The following LRCH2 variants were observed in gnomAD, a reference collection of about 807,000 sequenced individuals.
The protein encoded by LRCH2 is leucine rich repeats and calponin homology domain containing 2, also known as leucine-rich repeat and calponin homology domain-containing protein 2.
A neutral mutation model predicts 68.9 loss-of-function variants in LRCH2; 38 were observed. That is an observed-to-expected ratio of 0.55 (90% CI 0.43 to 0.72). The LOEUF is 0.72. Among genes scored for constraint, LRCH2 ranks in the 30% least tolerant of loss-of-function variants. LRCH2 has a pLI of 0.00. For missense variants in LRCH2, 528 were observed against 572.9 expected, an observed-to-expected ratio of 0.92 and a Z score of 0.80; for synonymous variants, 191 against 208.1, an observed-to-expected ratio of 0.92 and a Z score of 0.71.
intron 5 of LRCH2, among the ~76,000 whole-genome samples, chrX:115,171,740 G>A (rs1556547608): frequency 1.9e-5 from 2 of 107,940 alleles, no homozygotes; most frequent in East Asian, 5.8e-4. Flanking sequence ...AGGCTGGAGT[G>A]CAGTGGCACA....
At chrX:115,197,312 C>T (rs1327973379) in intron 1 of LRCH2, among the ~76,000 whole-genome samples, 3 of 110,862 alleles carry the variant, frequency 2.7e-5, no homozygotes, top group African/African-American at 6.6e-5. Context: ...AAAAAAAAAT[C>T]CTCAAAATCC....
intron 20 of LRCH2, among the ~76,000 whole-genome samples, chrX:115,114,398 T>C (rs1331460666): frequency 9.0e-6 from 1 of 110,604 alleles, no homozygotes; most frequent in Non-Finnish European, 1.9e-5. Context: ...AAGGAAGGCT[T>C]CAAATCAATG....
intron 1 of LRCH2, among the ~76,000 whole-genome samples, chrX:115,232,512 T>C: frequency 9.0e-6 from 1 of 111,543 alleles, no homozygotes; most frequent in Middle Eastern, 4.6e-3. Context: ...AATCACTGGG[T>C]GGAAAGCTTC....
chrX:115,138,267 G>A (rs945520019), intron 14 of LRCH2, among the ~76,000 whole-genome samples: 7 of 111,463 alleles, frequency 6.3e-5, no homozygotes, highest in African/African-American at 2.3e-4. Flanking sequence ...CGAAGGAGAA[G>A]GAATGTCATA....
At chrX:115,147,214 T>C (rs1432242657) in intron 14 of LRCH2, among the ~76,000 whole-genome samples, 6 of 111,854 alleles carry the variant, frequency 5.4e-5, no homozygotes, top group Non-Finnish European at 9.4e-5. Context: ...AACCTACCAA[T>C]AGCACTTTCA....
At chrX:115,121,826 TAA>T (rs1556526151) in intron 20 of LRCH2, among the ~76,000 whole-genome samples, 1 of 111,924 alleles carries the variant, frequency 8.9e-6, no homozygotes, top group East Asian at 2.8e-4. Flanking sequence ...ACCAGATTAT[TAA>T]GACACTGTTC....
chrX:115,144,553 C>A (rs2072365678), intron 14 of LRCH2, among the ~76,000 whole-genome samples: 1 of 86,205 alleles, frequency 1.2e-5, no homozygotes, highest in African/African-American at 6.4e-5. Context: ...TTTGGAAAAA[C>A]CTAGACTCCA....
At chrX:115,181,926 C>CTG (rs1556552886) in intron 3 of LRCH2, among the ~76,000 whole-genome samples, 26 of 111,507 alleles carry the variant, frequency 2.3e-4, no homozygotes, top group African/African-American at 7.5e-4. Context: ...TGTGCCTGTA[C>CTG]TGAACATATA....
intron 14 of LRCH2, among the ~76,000 whole-genome samples, chrX:115,135,064 T>C (rs73222997): frequency 5.8e-4 from 64 of 110,767 alleles, no homozygotes; most frequent in Non-Finnish European, 1.1e-3. Context: ...TAACTGTAGA[T>C]GTGGTGGAAA....
At chrX:115,162,062 G>A (rs1236045480) in intron 11 of LRCH2, among the ~76,000 whole-genome samples, 1 of 107,029 alleles carries the variant, frequency 9.3e-6, no homozygotes, top group African/African-American at 3.4e-5. Flanking sequence ...TAGGACCACA[G>A]GTGCACACCA....
chrX:115,117,784 AG>A (rs2072096344), intron 20 of LRCH2, among the ~76,000 whole-genome samples: 1 of 111,334 alleles, frequency 9.0e-6, no homozygotes, highest in African/African-American at 3.3e-5. Context: ...TGGTTGCTGG[AG>A]AAAGAAGGAT....
At chrX:115,138,807 C>A (rs1212444426) in intron 14 of LRCH2, among the ~76,000 whole-genome samples, 1 of 112,027 alleles carries the variant, frequency 8.9e-6, no homozygotes, top group African/African-American at 3.2e-5. Context: ...AAACTCCAAA[C>A]CTAATATATA....
chrX:115,132,448 T>C (rs2147354539), intron 14 of LRCH2, among the ~76,000 whole-genome samples: 1 of 111,373 alleles, frequency 9.0e-6, no homozygotes, highest in African/African-American at 3.3e-5. Context: ...TATTTAATGG[T>C]CCCCTTTACA....
intron 20 of LRCH2, among the ~76,000 whole-genome samples, chrX:115,119,147 T>A (rs1453799889): frequency 2.7e-5 from 3 of 110,124 alleles, no homozygotes; most frequent in African/African-American, 3.3e-5. Flanking sequence ...CTATTCAACA[T>A]AGTGTTGGAA....
intron 1 of LRCH2, among the ~76,000 whole-genome samples, chrX:115,214,150 T>A (rs1556570757): frequency 8.9e-6 from 1 of 112,330 alleles, no homozygotes; most frequent in Non-Finnish European, 1.9e-5. Flanking sequence ...TTACTCAAAT[T>A]TGAGCACAAT....
At chrX:115,119,871 C>G (rs1214105367) in intron 20 of LRCH2, among the ~76,000 whole-genome samples, 1 of 109,893 alleles carries the variant, frequency 9.1e-6, no homozygotes, top group African/African-American at 3.3e-5. Context: ...CACCGCATAC[C>G]TACAACTGTC....
At chrX:115,202,679 G>A (rs1053322757) in intron 1 of LRCH2, among the ~76,000 whole-genome samples, 2 of 111,980 alleles carry the variant, frequency 1.8e-5, no homozygotes, top group Admixed American at 1.9e-4. Context: ...AACATTTATA[G>A]CAGCCTTATT....
intron 20 of LRCH2, among the ~76,000 whole-genome samples, chrX:115,116,661 C>T (rs782007745): frequency 1.8e-5 from 2 of 111,029 alleles, no homozygotes; most frequent in African/African-American, 6.5e-5. Context: ...AATGCTATGG[C>T]ATTGTAATTA....
intron 1 of LRCH2, among the ~76,000 whole-genome samples, chrX:115,221,246 A>T (rs917306857): frequency 1.0e-5 from 1 of 98,613 alleles, no homozygotes; most frequent in Admixed American, 1.1e-4. Flanking sequence ...TATATATATA[A>T]ACTACAGCAA....
Sources: allele counts gnomAD v4.1 joint callset (sites outside exome capture counted in the v4.1 genomes callset), GRCh38; gene constraint gnomAD v4.1.1; transcripts MANE v1.5; gene names NCBI Gene and HGNC (gene_info 2026-07-23, HGNC 2026-07-21).